The following CTTN variants were observed in gnomAD, a reference collection of about 807,000 sequenced individuals.
CTTN encodes the protein src substrate cortactin.
CTTN carries 28 observed loss-of-function variants against 84.0 expected under a neutral mutation model. That is an observed-to-expected ratio of 0.33 (90% CI 0.25 to 0.46). The LOEUF (loss-of-function observed/expected upper bound fraction) is 0.46, where lower values mean the gene tolerates loss of function less well. CTTN is among the 20% of genes least tolerant of loss of function. The pLI is 1.00. For missense variants in CTTN, 641 were observed against 723.8 expected (o/e 0.89, Z 1.31); for synonymous variants, 301 against 288.8 (o/e 1.04, Z -0.43).
intron 17 of CTTN, 128 bp from the exon 18 acceptor site, chr11:70,434,898 T>A: frequency 1.0e-6 from 1 of 957,478 alleles, no homozygotes; most frequent in Non-Finnish European, 1.7e-6. Context: ...GCCTCCGCGG[T>A]GGTCCGCATC....
chr11:70,429,263 C>T, intron 14 of CTTN, 64 bp downstream of exon 14: 1 of 1,548,234 alleles, frequency 6.5e-7, no homozygotes, highest in Non-Finnish European at 8.8e-7. Context: ...GGATTGGGAG[C>T]TCTGGGGCCT....
chr11:70,423,376 G>A (rs943519803), intron 12 of CTTN, among the ~76,000 whole-genome samples: 10 of 152,250 alleles, frequency 6.6e-5, no homozygotes, highest in African/African-American at 2.4e-4. Context: ...GGGCTACCTC[G>A]CTGGCAGCCA....
At position 70,425,320 on chromosome 11, in the gene CTTN, C is replaced by T. The variant is rs1313896125; in HGVS notation, c.958-12C>T. ...AAAGTGCTCTCCTGACGCCCATGTC[C>T]TGTCTCTGCAGAATGCGTCAACCTT... On this transcript the variant is annotated splice_polypyrimidine_tract_variant and intron_variant, in intron 12 of 17. Coordinates refer to ENST00000301843, the MANE Select transcript of CTTN (RefSeq NM_005231.4). 6.2e-7 allele frequency: 1 copy of T among 1,609,364 alleles called. No homozygotes were observed. Among genetic ancestry groups the T allele is most frequent in the Non-Finnish European group, 8.5e-7 (1 of 1,177,552 alleles).
At chr11:70,432,921 C>A (rs763677687) in intron 15 of CTTN, among the ~76,000 whole-genome samples, 180 bp from the exon 16 acceptor site, 24 of 152,200 alleles carry the variant, frequency 1.6e-4, no homozygotes, top group Non-Finnish European at 3.4e-4. Flanking sequence ...CATGTGGGCA[C>A]TCACCACCAT....
rs765169086 is a variant in CTTN at position 70,409,966 on chromosome 11, T to C, written c.291+6T>C. 2.5e-6 allele frequency: 4 copies of C among 1,613,742 alleles called. No individual in the cohort carries two copies. Among genetic ancestry groups the C allele is most frequent in the South Asian group, 2.2e-5 (2 of 91,086 alleles). On this transcript the variant is annotated splice_donor_region_variant and intron_variant, in intron 5 of 17. Coordinates refer to ENST00000301843, the MANE Select transcript of CTTN (RefSeq NM_005231.4). ...AACAAGACCGAATGGATAAGGTAAG[T>C]GGCCCGCGGCTGCCTATGCCAGGCT...
chr11:70,433,486 T>C, intron 16 of CTTN, 161 bp from the exon 17 acceptor site: 2 of 773,052 alleles, frequency 2.6e-6, no homozygotes, highest in Admixed American at 2.2e-5. Context: ...AAGATCCCCA[T>C]TGTGCTGGGG....
intron 13 of CTTN, among the ~76,000 whole-genome samples, chr11:70,427,123 G>T (rs532885506): frequency 1.3e-5 from 2 of 151,834 alleles, no homozygotes; most frequent in Admixed American, 6.6e-5. Context: ...GCCGAGGTGG[G>T]TGGATCACCT....
chr11:70,402,537 C>G (rs1485372294), intron 1 of CTTN, among the ~76,000 whole-genome samples: 2 of 152,220 alleles, frequency 1.3e-5, no homozygotes, highest in African/African-American at 4.8e-5. Context: ...TATCTTTTGT[C>G]TCTGTAGATT....
Position 70,414,622 on chromosome 11 carries a change from G to T in CTTN, c.372G>T (p.Lys124Asn), listed in dbSNP as rs764674392. 1 of 1,614,186 alleles carries T rather than the reference G, an allele frequency of 6.2e-7. No individual in the cohort carries two copies. Among genetic ancestry groups the T allele is most frequent in the South Asian group, 1.1e-5 (1 of 91,092 alleles). ...ACTCGGTCCGTGGCTTCGGAGGCAA[G>T]TTTGGTGTCCAGATGGACAGAGTTG... ...QVDSVRGFGG[K>N]FGVQMDRVDQ... is the part of the protein sequence containing the mutation. The change falls in exon 6 of 18, where the codon AAG becomes AAT. Residue 124 changes from lysine (K) to asparagine (N), a missense_variant. Physicochemically the swap from Lys to Asn is moderately conservative, Grantham distance 94. Around this residue, in one of 3 missense-constraint regions of CTTN, gnomAD observed 284 missense variants for 348.4 expected, o/e 0.82. Coordinates refer to ENST00000301843, the MANE Select transcript of CTTN (RefSeq NM_005231.4).
chr11:70,435,589 T>C lies in CTTN; in HGVS notation c.*427T>C. The C allele has an allele frequency of 6.4e-7, 1 of 1,572,086 alleles. No individual in the cohort carries two copies. Among genetic ancestry groups the C allele is most frequent in the Non-Finnish European group, 8.6e-7 (1 of 1,166,248 alleles). Reference sequence around the variant, plus strand: ...TGTGGCGGGTAGGCAGGAAGGACTGTCCCAGACGAGGGGCTTCCTCTAGAG... The same window carrying C: ...TGTGGCGGGTAGGCAGGAAGGACTGCCCCAGACGAGGGGCTTCCTCTAGAG... On this transcript the variant is annotated 3_prime_UTR_variant, in exon 18 of 18. Transcript: ENST00000301843.
intron 2 of CTTN, among the ~76,000 whole-genome samples, chr11:70,406,521 G>GA (rs200374908): frequency 4.8e-3 from 586 of 122,150 alleles, no homozygotes; most frequent in Admixed American, 6.6e-3. Context: ...TACATAGTTT[G>GA]AAAAAAAAAA....
At chr11:70,426,213 C>A (rs2058298721) in intron 13 of CTTN, among the ~76,000 whole-genome samples, 6 of 152,136 alleles carry the variant, frequency 3.9e-5, no homozygotes, top group Admixed American at 6.6e-5. Flanking sequence ...CGAGACCATC[C>A]TGGCTAACAC....
At chr11:70,413,165 G>A (rs2058114454) in intron 5 of CTTN, among the ~76,000 whole-genome samples, 1 of 152,228 alleles carries the variant, frequency 6.6e-6, no homozygotes, top group South Asian at 2.1e-4. Context: ...TTCAATAGGG[G>A]AAATAGTGGA....
At chr11:70,426,328 G>GTGAA (rs1565497808) in intron 13 of CTTN, among the ~76,000 whole-genome samples, 1 of 151,644 alleles carries the variant, frequency 6.6e-6, no homozygotes, top group African/African-American at 2.4e-5. Context: ...GGAGAATGGC[G>GTGAA]TGAACCCAGG....
In CTTN at chr11:70,404,173, G is replaced by T. The variant is rs892909175; in HGVS notation, c.-97-1092G>T. 1.2e-4 allele frequency among the ~76,000 whole-genome samples: 19 copies of T among 152,350 alleles called. No individual in the cohort carries two copies. In the East Asian group the frequency reaches 2.5e-3, roughly 20 times the overall value. On this transcript the variant is annotated intron_variant, in intron 1 of 17. Transcript: ENST00000301843. ...ACTGGGGAGAGAGATGGAGCAAACA[G>T]TTGGGTCAGAAACCAGATAGGAAAT...
At chr11:70,404,929 G>A (rs2058025514) in intron 1 of CTTN, among the ~76,000 whole-genome samples, 2 of 152,224 alleles carry the variant, frequency 1.3e-5, no homozygotes, top group African/African-American at 4.8e-5. Flanking sequence ...TTGAACCCGG[G>A]AGGTGGAGTT....
rs1237632281 is a variant in CTTN, at chr11:70,436,250, T to C, written c.*1088T>C. The stretch of plus-strand genomic sequence containing the variant: ...TCCCCCCACAGCTCCAGGACACCGC[T>C]GTCCTGGCATTTGTGGCCACTCACT... On this transcript the variant is annotated 3_prime_UTR_variant, in exon 18 of 18. Coordinates refer to ENST00000301843, the MANE Select transcript of CTTN (RefSeq NM_005231.4). The C allele has an allele frequency of 2.5e-6, 4 of 1,595,650 alleles. No individual in the cohort carries two copies. The highest frequency in any genetic ancestry group is 2.5e-6 in the Non-Finnish European group (3 of 1,178,396).
intron 10 of CTTN, among the ~76,000 whole-genome samples, chr11:70,421,148 C>G (rs573631184): frequency 6.6e-6 from 1 of 152,318 alleles, no homozygotes; most frequent in African/African-American, 2.4e-5. Flanking sequence ...TACACAGATA[C>G]GCACACTCGT....
chr11:70,401,871 T>C (rs2057987370), intron 1 of CTTN, among the ~76,000 whole-genome samples: 3 of 151,626 alleles, frequency 2.0e-5, no homozygotes, highest in Admixed American at 1.3e-4. Context: ...TGGGGGGCTT[T>C]TAGGCGCGGT....
Sources: allele counts gnomAD v4.1 joint callset (sites outside exome capture counted in the v4.1 genomes callset), GRCh38; gene constraint gnomAD v4.1.1; regional missense constraint gnomAD v4.1.1; transcripts MANE v1.5; gene names NCBI Gene and HGNC (gene_info 2026-07-23, HGNC 2026-07-21).